LUZP2: variants seen among roughly 807,000 people sequenced by gnomAD.
The protein encoded by LUZP2 is leucine zipper protein 2.
Under a neutral mutation model 51.6 loss-of-function variants are expected in LUZP2, and 52 were observed. That is an observed-to-expected ratio of 1.01 (90% CI 0.81 to 1.27). The LOEUF (loss-of-function observed/expected upper bound fraction) is 1.27, where lower values mean the gene tolerates loss of function less well. Among genes scored for constraint, LUZP2 ranks in the 50% most tolerant of loss-of-function variants. The probability of loss-of-function intolerance (pLI) is 0.00; values close to 1 mark genes in which losing one functional copy is unlikely to be tolerated. For synonymous variants in LUZP2, 154 were observed against 137.3 expected (o/e 1.12, Z -0.85); for missense variants, 436 against 395.4 (o/e 1.10, Z -0.87).
At chr11:24,898,274 G>T (rs1436446052) in intron 5 of LUZP2, among the ~76,000 whole-genome samples, 1 of 151,900 alleles carries the variant, frequency 6.6e-6, no homozygotes, top group Non-Finnish European at 1.5e-5. Flanking sequence ...AAGTATGTCA[G>T]ATCCTTGTAT....
intron 7 of LUZP2, among the ~76,000 whole-genome samples, chr11:24,914,948 T>C (rs1443011046): frequency 2.0e-5 from 3 of 152,170 alleles, no homozygotes; most frequent in Non-Finnish European, 2.9e-5. Flanking sequence ...TTCAGTGTTT[T>C]ACTTGTATGT....
intron 1 of LUZP2, among the ~76,000 whole-genome samples, chr11:24,678,574 G>C (rs960930007): frequency 2.0e-5 from 3 of 152,140 alleles, no homozygotes; most frequent in African/African-American, 7.2e-5. Context: ...TGTGTTTTAT[G>C]TTCCCAACTA....
intron 1 of LUZP2, among the ~76,000 whole-genome samples, chr11:24,709,341 C>T (rs940260613): frequency 7.9e-5 from 12 of 152,142 alleles, no homozygotes; most frequent in African/African-American, 2.6e-4. Flanking sequence ...ATTGGGCCTA[C>T]ACATCATTCT....
At chr11:24,856,099 A>G (rs1031441533) in intron 5 of LUZP2, among the ~76,000 whole-genome samples, 2 of 152,140 alleles carry the variant, frequency 1.3e-5, no homozygotes. Context: ...ACAAAAATAG[A>G]CAAATGGAAG....
chr11:24,871,182 A>G (rs758926898), intron 5 of LUZP2, among the ~76,000 whole-genome samples: 5 of 152,104 alleles, frequency 3.3e-5, no homozygotes, highest in Non-Finnish European at 7.4e-5. Context: ...ATTTCTTTCA[A>G]TATTCCATAA....
intron 1 of LUZP2, among the ~76,000 whole-genome samples, chr11:24,696,850 C>G (rs1467501698): frequency 1.3e-5 from 2 of 151,892 alleles, no homozygotes; most frequent in Non-Finnish European, 2.9e-5. Flanking sequence ...TAGATGATCT[C>G]TTTGATGAGA....
chr11:24,994,769 G>A (rs1044096486), intron 9 of LUZP2, among the ~76,000 whole-genome samples: 15 of 151,964 alleles, frequency 9.9e-5, no homozygotes, highest in African/African-American at 2.4e-4. Flanking sequence ...TTTTCAGGGT[G>A]GTAATTTAAT....
At chr11:24,839,743 A>G (rs148974486) in intron 5 of LUZP2, among the ~76,000 whole-genome samples, 27 of 151,870 alleles carry the variant, frequency 1.8e-4, no homozygotes, top group African/African-American at 4.8e-4. Flanking sequence ...CTCGGGGTCC[A>G]TTTGTCAAAG....
At chr11:24,571,089 T>A (rs1051624215) in intron 1 of LUZP2, among the ~76,000 whole-genome samples, 17 of 152,076 alleles carry the variant, frequency 1.1e-4, no homozygotes, top group Admixed American at 2.6e-4. Context: ...TCTTGCAACT[T>A]AAGCTGCCTG....
At chr11:25,039,885 A>C (rs1857986967) in intron 9 of LUZP2, among the ~76,000 whole-genome samples, 1 of 152,162 alleles carries the variant, frequency 6.6e-6, no homozygotes, top group South Asian at 2.1e-4. Context: ...CAAACTCTGT[A>C]GGTCATCTTT....
chr11:24,893,499 T>C (rs1486195368), intron 5 of LUZP2, among the ~76,000 whole-genome samples: 1 of 152,042 alleles, frequency 6.6e-6, no homozygotes, highest in African/African-American at 2.4e-5. Flanking sequence ...TCTTTAGGGA[T>C]ATTAAATTTT....
chr11:24,598,557 G>T (rs771952583), intron 1 of LUZP2, among the ~76,000 whole-genome samples: 1 of 151,942 alleles, frequency 6.6e-6, no homozygotes, highest in African/African-American at 2.4e-5. Context: ...GAGGAGGGAC[G>T]ATTGTGCAAA....
At chr11:24,925,936 C>T (rs117543902) in intron 7 of LUZP2, among the ~76,000 whole-genome samples, 1,920 of 151,996 alleles carry the variant, frequency 0.013, 29 homozygotes, top group Middle Eastern at 0.062. Context: ...TTGTATTATT[C>T]TTATGCATTT....
intron 7 of LUZP2, among the ~76,000 whole-genome samples, chr11:24,932,481 G>T (rs1479299526): frequency 6.6e-6 from 1 of 152,108 alleles, no homozygotes; most frequent in Non-Finnish European, 1.5e-5. Flanking sequence ...TGCGGCAGCT[G>T]CTATGAGGGA....
intron 1 of LUZP2, among the ~76,000 whole-genome samples, chr11:24,544,045 G>A (rs1396845): frequency 0.99 from 151,053 of 152,034 alleles, 75,045 homozygotes; most frequent in East Asian, 1. Context: ...GCCTTATTCA[G>A]CTGGTAGCAG....
intron 5 of LUZP2, among the ~76,000 whole-genome samples, chr11:24,821,143 A>G (rs1241129323): frequency 1.3e-5 from 2 of 152,144 alleles, no homozygotes; most frequent in Non-Finnish European, 2.9e-5. Context: ...CAAACATAAC[A>G]CAGCATATAG....
intron 1 of LUZP2, among the ~76,000 whole-genome samples, chr11:24,524,935 C>T (rs1052587583): frequency 1.3e-5 from 2 of 151,536 alleles, no homozygotes; most frequent in East Asian, 1.9e-4. Flanking sequence ...ACAATCACTA[C>T]CTGAGACAGG....
chr11:24,507,816 C>T (rs1246498497), intron 1 of LUZP2, among the ~76,000 whole-genome samples: 1 of 151,832 alleles, frequency 6.6e-6, no homozygotes, highest in African/African-American at 2.4e-5. Context: ...CTCCCTACTC[C>T]CCTTAAATGG....
chr11:24,758,906 T>C (rs371449679), intron 4 of LUZP2, among the ~76,000 whole-genome samples: 10 of 152,070 alleles, frequency 6.6e-5, no homozygotes, highest in East Asian at 3.8e-4. Flanking sequence ...ATCTTCCTCA[T>C]TGAATTTAAA....
Sources: gnomAD v4.1 joint callset for allele counts (sites outside exome capture counted in the v4.1 genomes callset) on GRCh38, gnomAD v4.1.1 for gene constraint, MANE v1.5 for transcripts, NCBI Gene and HGNC (gene_info 2026-07-23, HGNC 2026-07-21) for gene names.